Variants in PGBD1 observed in about 807,000 individuals in gnomAD.
PGBD1 encodes piggyBac transposable element-derived protein 1.
A neutral mutation model predicts 34.7 loss-of-function variants in PGBD1; 25 were observed. The ratio of observed to expected loss-of-function variants is 0.72; its 90% CI spans 0.52 to 1.00. PGBD1 has a LOEUF of 1.00. Ranked by LOEUF, PGBD1 falls within the 50% of genes least tolerant of loss-of-function variation. The probability of loss-of-function intolerance (pLI) is 0.00; values close to 1 mark genes in which losing one functional copy is unlikely to be tolerated. For synonymous variants in PGBD1, 292 were observed against 335.7 expected, an observed-to-expected ratio of 0.87 and a Z score of 1.42; for missense variants, 830 against 959.4, an observed-to-expected ratio of 0.87 and a Z score of 1.78.
intron 4 of PGBD1, among the ~76,000 whole-genome samples, chr6:28,290,765 G>T (rs1276938452): frequency 1.3e-5 from 2 of 151,936 alleles, no homozygotes; most frequent in Non-Finnish European, 2.9e-5. Context: ...TAATCACAGT[G>T]GAATAAAACT....
At chr6:28,292,872 T>C (rs1762504698) in intron 4 of PGBD1, among the ~76,000 whole-genome samples, 1 of 152,162 alleles carries the variant, frequency 6.6e-6, no homozygotes, top group East Asian at 1.9e-4. Flanking sequence ...CACCAAGAAT[T>C]GCTGACAAAC....
At chr6:28,294,326 ATCAGCAACAAGTGCTGATGCAGATGC>A (rs1187482459) in intron 4 of PGBD1, among the ~76,000 whole-genome samples, 4 of 152,228 alleles carry the variant, frequency 2.6e-5, no homozygotes, top group Non-Finnish European at 4.4e-5. Flanking sequence ...TATAAAATGC[ATCAGCAACAAGTGCTGATGCAGATGC>A]TGCAGCAGGT....
chr6:28,288,824 C>T (rs1393489133), intron 4 of PGBD1, among the ~76,000 whole-genome samples: 1 of 151,876 alleles, frequency 6.6e-6, no homozygotes, highest in Non-Finnish European at 1.5e-5. Flanking sequence ...CCCGTCTCTA[C>T]TAAAAATACA....
intron 5 of PGBD1, 69 bp from the exon 6 acceptor site, chr6:28,297,816 GTTTTTTTTTT>G (rs368634720): frequency 0.052 from 18,060 of 348,106 alleles, 548 homozygotes; most frequent in African/African-American, 0.23. Context: ...TACCCTGGAA[GTTTTTTTTTT>G]TTTTTTTTTT....
In PGBD1 at chr6:28,283,902, G is replaced by A. The variant is rs777932909; in HGVS notation, c.89G>A (p.Cys30Tyr). ...GAAGATCCCACCTGGGAGCAGGTGT[G>A]CAACTCACAGGAGGGCAGCTCCCAC... is the stretch of plus-strand genomic sequence containing the variant. ...KEEDPTWEQV[C>Y]NSQEGSSHTQ... Residue 30 changes from cysteine (C) to tyrosine (Y), a missense_variant, in exon 2 of 7, where the codon TGC (cysteine) becomes TAC (tyrosine). This residue lies in a region of PGBD1 where 457 missense variants were observed against 515.4 expected (regional missense o/e 0.89). Coordinates refer to ENST00000682144, the MANE Select transcript of PGBD1 (RefSeq NM_032507.4). 4 of 1,613,994 alleles carry A rather than the reference G, an allele frequency of 2.5e-6. No individual in the cohort carries two copies. Among genetic ancestry groups the A allele is most frequent in the East Asian group, 4.5e-5 (2 of 44,882 alleles).
rs781119594 is a variant in PGBD1 at position 28,301,243 on chromosome 6, CT to C, written c.1391del (p.Leu464TyrfsTer3). ...VQEMRCVFGV[L>X]LLSGFMRHPR... Reference sequence around the variant, plus strand: ...AGGAAATGAGGTGTGTGTTTGGTGTCTTACTTTTGAGTGGATTTATGAGGCA... The same window carrying C: ...AGGAAATGAGGTGTGTGTTTGGTGTCTACTTTTGAGTGGATTTATGAGGCA... On this transcript the variant is annotated frameshift_variant, in exon 7 of 7. Transcript: ENST00000682144. LOFTEE classifies it low-confidence loss of function (END_TRUNC). 1 of 1,614,044 alleles carries C rather than the reference CT, an allele frequency of 6.2e-7. No homozygotes were observed. The highest frequency in any genetic ancestry group is 1.3e-5 in the African/African-American group (1 of 74,992).
rs768329427 is a variant in PGBD1, at chr6:28,301,465, T to A, written c.1611T>A (p.Ala537=). The change falls in exon 7 of 7, where the codon GCT becomes GCA. Residue 537 remains alanine (A), a synonymous_variant. Transcript: ENST00000682144. ...KQMNKNFLLY[A]PLEEYYCFDK... ...TGAATAAAAATTTCCTCTTGTATGC[T>A]CCCCTGGAAGAATACTATTGCTTTG... 3.1e-6 allele frequency: 5 copies of A among 1,613,978 alleles called. No homozygotes were observed. The highest frequency in any genetic ancestry group is 4.2e-6 in the Non-Finnish European group (5 of 1,180,004).
At chr6:28,290,328 T>C (rs916413774) in intron 4 of PGBD1, among the ~76,000 whole-genome samples, 1 of 152,180 alleles carries the variant, frequency 6.6e-6, no homozygotes, top group African/African-American at 2.4e-5. Flanking sequence ...ACTTCTGGCC[T>C]CAAGCAGTCT....
intron 4 of PGBD1, among the ~76,000 whole-genome samples, chr6:28,291,794 C>G (rs1762462879): frequency 6.6e-6 from 1 of 152,122 alleles, no homozygotes; most frequent in Non-Finnish European, 1.5e-5. Context: ...AAGGATGGTT[C>G]AACATATGCA....
At position 28,300,651 on chromosome 6, in the gene PGBD1, C is replaced by T. The variant is rs144722937; in HGVS notation, c.870-73C>T. Reference sequence around the variant, plus strand: ...CACCCCAAGCCCCAAAAGATTTAAGCTTCAGCAGATTTATCATGTGTGAGA... The same window carrying T: ...CACCCCAAGCCCCAAAAGATTTAAGTTTCAGCAGATTTATCATGTGTGAGA... On this transcript the variant is annotated intron_variant, in intron 6 of 6. Transcript: ENST00000682144. This position sits in a 1 kb window ranked among gnomAD's most constrained non-coding sequence, Gnocchi z 4.0. The T allele has an allele frequency of 6.0e-6, 9 of 1,501,388 alleles. No homozygotes were observed. The African/African-American group carries it at 8.4e-5, about 14-fold the overall frequency. 93.0% of individuals were successfully genotyped at this position (1,501,388 alleles called of 1,614,324 possible).
At position 28,302,005 on chromosome 6, in the gene PGBD1, C is replaced by T. The variant is rs111676346; in HGVS notation, c.2151C>T (p.Asn717=). The T allele has an allele frequency of 4.2e-5, 67 of 1,614,074 alleles. No individual in the cohort carries two copies. The African/African-American group carries it at 4.5e-4, about 11-fold the overall frequency. ...VNEVSCCDAD[N]EEIPQISQPS... ...AGGTAAGCTGTTGTGATGCTGATAACGAAGAAATCCCTCAGATAAGTCAAC... is the reference window on the plus strand; with the variant it reads ...AGGTAAGCTGTTGTGATGCTGATAATGAAGAAATCCCTCAGATAAGTCAAC... Residue 717 remains asparagine, a synonymous_variant, in exon 7 of 7, where the codon AAC becomes AAT. Coordinates refer to ENST00000682144, the MANE Select transcript of PGBD1 (RefSeq NM_032507.4).
In PGBD1 at chr6:28,302,175, C is replaced by T. The variant is rs780956077; in HGVS notation, c.2321C>T (p.Ala774Val). Residue 774 changes from alanine (A) to valine (V), a missense_variant, in exon 7 of 7, where the codon GCA becomes GTA. Around this residue, in one of 3 missense-constraint regions of PGBD1, gnomAD observed 372 missense variants for 427.9 expected, o/e 0.87. Transcript: ENST00000682144. ...ATGATTGATGTAGCCATGAACAATGCATGGCAACTACACAGAGCCTGTAAC... is the reference window on the plus strand; with the variant it reads ...ATGATTGATGTAGCCATGAACAATGTATGGCAACTACACAGAGCCTGTAAC... ...SYMIDVAMNN[A>V]WQLHRACNPG... 14 of 1,614,032 alleles carry T rather than the reference C, an allele frequency of 8.7e-6. No homozygotes were observed. The Admixed American group carries it at 2.3e-4, about 27-fold the overall frequency.
In PGBD1 at chr6:28,300,685, T is replaced by C. The variant is rs1314650711; in HGVS notation, c.870-39T>C. 5 of 1,565,194 alleles carry C rather than the reference T, an allele frequency of 3.2e-6. No individual in the cohort carries two copies. The highest frequency in any genetic ancestry group is 4.3e-6 in the Non-Finnish European group (5 of 1,158,076). On this transcript the variant is annotated intron_variant, in intron 6 of 6. Transcript: ENST00000682144. The surrounding 1 kb of genome is among the most constrained non-coding windows in gnomAD (Gnocchi z 4.0). ...ATTTATCATGTGTGAGAGAATATGATTGAGGATTTTTATAACATGTTCTTT... is the reference window on the plus strand; with the variant it reads ...ATTTATCATGTGTGAGAGAATATGACTGAGGATTTTTATAACATGTTCTTT...
Position 28,302,172 on chromosome 6 carries a change from A to G in PGBD1, c.2318A>G (p.Asn773Ser), listed in dbSNP as rs115496403. Residue 773 changes from asparagine (N) to serine (S), a missense_variant, in exon 7 of 7, where the codon AAT becomes AGT. Transcript: ENST00000682144. ...VSYMIDVAMN[N>S]AWQLHRACNP... ...TACATGATTGATGTAGCCATGAACA[A>G]TGCATGGCAACTACACAGAGCCTGT... The G allele has an allele frequency of 2.5e-6, 4 of 1,614,188 alleles. No individual in the cohort carries two copies. Among genetic ancestry groups the G allele is most frequent in the East Asian group, 4.5e-5 (2 of 44,880 alleles).
Position 28,285,712 on chromosome 6 carries a change from GT to G in PGBD1, c.553+6del, listed in dbSNP as rs1482522146. 6.2e-7 allele frequency: 1 copy of G among 1,611,924 alleles called. No individual in the cohort carries two copies. Among genetic ancestry groups the G allele is most frequent in the Non-Finnish European group, 8.5e-7 (1 of 1,179,322 alleles). Reference sequence around the variant, plus strand: ...GGAACCCCCAAGAAGTGAGTGGTGAGTGCTCGAGTGAGTTTAGTGAGGACGC... The same window carrying G: ...GGAACCCCCAAGAAGTGAGTGGTGAGGCTCGAGTGAGTTTAGTGAGGACGC... On this transcript the variant is annotated splice_donor_region_variant and intron_variant, in intron 3 of 6. Coordinates refer to ENST00000682144, the MANE Select transcript of PGBD1 (RefSeq NM_032507.4).
chr6:28,286,554 A>G (rs1278408317), intron 3 of PGBD1, among the ~76,000 whole-genome samples: 1 of 152,138 alleles, frequency 6.6e-6, no homozygotes, highest in Non-Finnish European at 1.5e-5. Context: ...CACCATTTTG[A>G]TTATTGTTGG....
Position 28,301,661 on chromosome 6 carries a change from G to A in PGBD1, c.1807G>A (p.Gly603Ser). The change falls in exon 7 of 7, where the codon GGT (glycine) becomes AGT (serine). Residue 603 changes from glycine (G) to serine (S), a missense_variant. By Grantham distance (56) the Gly-to-Ser change is moderately conservative. Transcript: ENST00000682144. ...AGATGAGGATCCTGATCTTGGGTTA[G>A]GTGGAAATCTAGTGATGAACTTCGC... ...KVDEDPDLGL[G>S]GNLVMNFADV... The A allele has an allele frequency of 3.1e-6, 5 of 1,614,196 alleles. No homozygotes were observed. Among genetic ancestry groups the A allele is most frequent in the African/African-American group, 1.3e-5 (1 of 75,064 alleles).
Position 28,283,882 on chromosome 6 carries a change from T to C in PGBD1, c.69T>C (p.Asp23=). The change falls in exon 2 of 7, where the codon GAT becomes GAC. Residue 23 remains aspartate, a synonymous_variant. Coordinates refer to ENST00000682144, the MANE Select transcript of PGBD1 (RefSeq NM_032507.4). ...GCCTTGTGAAAGTGAAGGAGGAAGA[T>C]CCCACCTGGGAGCAGGTGTGCAACT... is the stretch of plus-strand genomic sequence containing the variant. ...EDGLVKVKEE[D]PTWEQVCNSQ... 1.9e-6 allele frequency: 3 copies of C among 1,612,978 alleles called. No homozygotes were observed. Among genetic ancestry groups the C allele is most frequent in the Non-Finnish European group, 2.5e-6 (3 of 1,179,050 alleles).
chr6:28,294,607 A>G (rs564179684), intron 4 of PGBD1, among the ~76,000 whole-genome samples: 43 of 152,316 alleles, frequency 2.8e-4, no homozygotes, highest in Admixed American at 1.2e-3. Flanking sequence ...AGGGTCCATA[A>G]GAATTATGCT....
Sources: gnomAD v4.1 joint callset for allele counts (sites outside exome capture counted in the v4.1 genomes callset) on GRCh38, gnomAD v4.1.1 for gene constraint, gnomAD v4.1.1 regional missense constraint, Gnocchi (gnomAD v3.1) non-coding constraint, MANE v1.5 for transcripts, NCBI Gene and HGNC (gene_info 2026-07-23, HGNC 2026-07-21) for gene names.